The following SAMMSON variants were observed in gnomAD, a reference collection of about 807,000 sequenced individuals.
SAMMSON encodes long intergenic non-protein coding RNA 1212.
chr3:70,309,567 G>A (rs1455079165), intron 7 of SAMMSON, among the ~76,000 whole-genome samples: 4 of 152,100 alleles, frequency 2.6e-5, no homozygotes, highest in Non-Finnish European at 4.4e-5. Context: ...GCTAGTAGAT[G>A]GCTGAGCTGA....
chr3:70,104,386 G>A (rs2067358768), intron 4 of SAMMSON, among the ~76,000 whole-genome samples: 1 of 151,980 alleles, frequency 6.6e-6, no homozygotes, highest in South Asian at 2.1e-4. Context: ...TAACCAGTGA[G>A]TGAAATCATG....
At chr3:70,297,348 A>G (rs1256517915) in intron 7 of SAMMSON, among the ~76,000 whole-genome samples, 1 of 152,092 alleles carries the variant, frequency 6.6e-6, no homozygotes, top group Non-Finnish European at 1.5e-5. Flanking sequence ...CTTGCTCTAG[A>G]CCACAAAAAG....
At chr3:70,177,139 C>T (rs1701014821) in intron 4 of SAMMSON, among the ~76,000 whole-genome samples, 1 of 152,178 alleles carries the variant, frequency 6.6e-6, no homozygotes, top group African/African-American at 2.4e-5. Context: ...TATTTGTTCT[C>T]AGTGAAAGAA....
rs1174157143 is a variant in SAMMSON at position 70,278,761 on chromosome 3, G to A, written n.675-12418G>A. Among the ~76,000 whole-genome samples the A allele has an allele frequency of 2.0e-5, 3 of 152,074 alleles. No homozygotes were observed. The East Asian group carries it at 5.8e-4, about 29-fold the overall frequency. On this transcript the variant is annotated intron_variant and non_coding_transcript_variant, in intron 6 of 9. Coordinates refer to ENST00000642114, the Ensembl canonical transcript of SAMMSON. The stretch of plus-strand genomic sequence containing the variant: ...TAAGTTGGTGCTCTATTTCTACCAA[G>A]TAATAACTAGGAGGCCTTAACAAAG...
At position 70,299,040 on chromosome 3, in the gene SAMMSON, G is replaced by T. The variant is rs550149307; in HGVS notation, n.739+7797G>T. On this transcript the variant is annotated intron_variant and non_coding_transcript_variant, in intron 7 of 9. Transcript: ENST00000642114. Reference sequence around the variant, plus strand: ...GTAAGGTGTGAGGATCTCACGTGGTGCTTTGGGTTAGCCAGATTATAAGGA... The same window carrying T: ...GTAAGGTGTGAGGATCTCACGTGGTTCTTTGGGTTAGCCAGATTATAAGGA... 4.6e-5 allele frequency among the ~76,000 whole-genome samples: 7 copies of T among 152,208 alleles called. 1 individual carries two copies. Among genetic ancestry groups the T allele is most frequent in the East Asian group, 1.9e-4 (1 of 5,176 alleles).
Position 70,050,490 on chromosome 3 carries a change from C to T in SAMMSON, n.418-20986C>T, listed in dbSNP as rs530757246. 2.0e-5 allele frequency among the ~76,000 whole-genome samples: 3 copies of T among 152,178 alleles called. No individual in the cohort carries two copies. The South Asian group carries it at 6.2e-4, about 32-fold the overall frequency. ...TGTCTTTGTGAGTGTTTGCTGAGAA[C>T]CTATCAGAAAGAAGAGACCTGTATG... On this transcript the variant is annotated intron_variant and non_coding_transcript_variant, in intron 3 of 9. Coordinates refer to ENST00000642114, the Ensembl canonical transcript of SAMMSON.
chr3:70,259,011 G>T, intron 6 of SAMMSON, among the ~76,000 whole-genome samples: 1 of 152,044 alleles, frequency 6.6e-6, no homozygotes, highest in East Asian at 1.9e-4. Context: ...ATATAATAAA[G>T]GTACTCAAGT....
chr3:70,303,543 C>T (rs1335953945), intron 7 of SAMMSON, among the ~76,000 whole-genome samples: 2 of 152,198 alleles, frequency 1.3e-5, no homozygotes, highest in African/African-American at 4.8e-5. Flanking sequence ...GTGAGCTACT[C>T]TTGCATTTTC....
chr3:70,320,898 C>G (rs1702534474), intron 7 of SAMMSON, among the ~76,000 whole-genome samples: 1 of 152,070 alleles, frequency 6.6e-6, no homozygotes, highest in African/African-American at 2.4e-5. Context: ...TTCATTGTGT[C>G]AGTTTCCTTA....
At chr3:70,246,911 A>G in intron 4 of SAMMSON, among the ~76,000 whole-genome samples, 1 of 152,088 alleles carries the variant, frequency 6.6e-6, no homozygotes, top group East Asian at 1.9e-4. Flanking sequence ...TTATATTTAG[A>G]CATGACTCTT....
At chr3:70,036,828 G>T (rs1466998007) in intron 3 of SAMMSON, among the ~76,000 whole-genome samples, 1 of 152,008 alleles carries the variant, frequency 6.6e-6, no homozygotes, top group Non-Finnish European at 1.5e-5. Context: ...AAAAATTGCT[G>T]TGAGGAATAT....
chr3:70,149,190 C>A (rs2067561707), intron 4 of SAMMSON, among the ~76,000 whole-genome samples: 1 of 152,006 alleles, frequency 6.6e-6, no homozygotes, highest in African/African-American at 2.4e-5. Flanking sequence ...ATAGCTATTT[C>A]CAATAGGTGT....
intron 2 of SAMMSON, among the ~76,000 whole-genome samples, chr3:70,403,654 C>T (rs11711642): frequency 0.21 from 32,165 of 152,064 alleles, 3,615 homozygotes; most frequent in South Asian, 0.29. Flanking sequence ...GTGAGAGACT[C>T]TCTAGGCCAC....
At chr3:70,386,961 C>G (rs1703127563) in intron 9 of SAMMSON, among the ~76,000 whole-genome samples, 1 of 152,042 alleles carries the variant, frequency 6.6e-6, no homozygotes, top group Non-Finnish European at 1.5e-5. Flanking sequence ...TATTCATGAA[C>G]AGATGCCTTG....
At chr3:70,343,241 A>G (rs1010918519) in intron 7 of SAMMSON, among the ~76,000 whole-genome samples, 4 of 152,164 alleles carry the variant, frequency 2.6e-5, no homozygotes, top group African/African-American at 9.7e-5. Context: ...ATTTTTATTA[A>G]ATAAAATTCA....
Position 70,133,141 on chromosome 3 carries a change from G to A in SAMMSON, n.507+61576G>A, listed in dbSNP as rs993436715. On this transcript the variant is annotated intron_variant and non_coding_transcript_variant, in intron 4 of 9. Transcript: ENST00000642114. ...TTACATGCTGATGAGATGACTAATGGCTGGTGGCCCCTAGATAGCTGCAGG... is the reference window on the plus strand; with the variant it reads ...TTACATGCTGATGAGATGACTAATGACTGGTGGCCCCTAGATAGCTGCAGG... Among the ~76,000 whole-genome samples, 7 of 152,270 alleles carry A rather than the reference G, an allele frequency of 4.6e-5. No homozygotes were observed. In the East Asian group the frequency reaches 1.3e-3, roughly 29 times the overall value.
chr3:70,002,422 G>A (rs113737482), intron 1 of SAMMSON, among the ~76,000 whole-genome samples: 186 of 152,180 alleles, frequency 1.2e-3, no homozygotes, highest in Non-Finnish European at 2.1e-3. Context: ...TTGAATTTAC[G>A]AAAAGTGACT....
intron 2 of SAMMSON, among the ~76,000 whole-genome samples, chr3:70,426,911 A>G (rs1446778590): frequency 6.6e-6 from 1 of 152,232 alleles, no homozygotes; most frequent in African/African-American, 2.4e-5. Flanking sequence ...TTTCTGGATC[A>G]CTTTCACATT....
chr3:70,429,498 A>G (rs528114596), intron 2 of SAMMSON, among the ~76,000 whole-genome samples: 171 of 145,504 alleles, frequency 1.2e-3, no homozygotes, highest in African/African-American at 4.7e-3. Context: ...TTCTAATTCT[A>G]TGAAGAAAGT....
Sources: allele counts gnomAD v4.1 joint callset (sites outside exome capture counted in the v4.1 genomes callset), GRCh38; gene constraint gnomAD v4.1.1; transcripts MANE v1.5; gene names NCBI Gene and HGNC (gene_info 2026-07-23, HGNC 2026-07-21).